Variants in NRXN3 observed in about 807,000 individuals in gnomAD.
NRXN3 encodes neurexin 3.
A neutral mutation model predicts 137.6 loss-of-function variants in NRXN3; 32 were observed. That is an observed-to-expected ratio of 0.23 (90% CI 0.18 to 0.31). The LOEUF (loss-of-function observed/expected upper bound fraction) is 0.31, where lower values mean the gene tolerates loss of function less well. Among genes scored for constraint, NRXN3 ranks in the 10% least tolerant of loss-of-function variants. The pLI, the probability that NRXN3 is intolerant of heterozygous loss-of-function variation, is 1.00. For synonymous variants in NRXN3, 798 were observed against 784.5 expected (o/e 1.02, Z -0.29); for missense variants, 1,574 against 2,062.5 (o/e 0.76, Z 4.59).
intron 20 of NRXN3, among the ~76,000 whole-genome samples, chr14:79,854,941 T>C (rs917754887): frequency 3.3e-5 from 5 of 152,176 alleles, no homozygotes; most frequent in Non-Finnish European, 5.9e-5. Context: ...TGTTCTATGA[T>C]ACTGACGCCT....
At chr14:78,304,416 A>C (rs1268574230) in intron 4 of NRXN3, among the ~76,000 whole-genome samples, 1 of 152,060 alleles carries the variant, frequency 6.6e-6, no homozygotes, top group East Asian at 1.9e-4. Context: ...AAAACTGAGC[A>C]GGGTGGGTAG....
intron 6 of NRXN3, chr14:78,703,674 A>G (rs2098314044): frequency 1.3e-5 from 2 of 152,214 alleles, no homozygotes; most frequent in Non-Finnish European, 2.9e-5. Context: ...TGGTACCCCA[A>G]TACTGGCTTC....
At chr14:78,687,778 C>T (rs903295346) in intron 6 of NRXN3, among the ~76,000 whole-genome samples, 24 of 152,250 alleles carry the variant, frequency 1.6e-4, no homozygotes, top group Admixed American at 9.2e-4. Context: ...CATTTGGCCT[C>T]GACATGACAC....
chr14:79,782,388 C>T (rs919267444), intron 19 of NRXN3, among the ~76,000 whole-genome samples: 6 of 152,020 alleles, frequency 3.9e-5, no homozygotes, highest in African/African-American at 1.4e-4. Context: ...AAGAGTCTGA[C>T]CTTGGATGAG....
intron 10 of NRXN3, among the ~76,000 whole-genome samples, chr14:78,916,299 C>A (rs154375): frequency 1.3e-5 from 2 of 152,098 alleles, no homozygotes; most frequent in Non-Finnish European, 2.9e-5. Flanking sequence ...ATTTATGGTG[C>A]AAACTGGGTG....
At chr14:78,209,826 G>T (rs1171282335) in intron 1 of NRXN3, among the ~76,000 whole-genome samples, 1 of 152,132 alleles carries the variant, frequency 6.6e-6, no homozygotes, top group Non-Finnish European at 1.5e-5. Flanking sequence ...GTTTTAAATT[G>T]CAGTCCTCTC....
At position 79,713,610 on chromosome 14, in the gene NRXN3, T is replaced by C. The variant is rs182637851; in HGVS notation, c.4014+15673T>C. On this transcript the variant is annotated intron_variant, in intron 19 of 20. Coordinates refer to ENST00000335750, the MANE Select transcript of NRXN3 (RefSeq NM_001330195.2). ...ATATATATATACATACATATACATA[T>C]ACATATGTATGTATATATAAACTAG... is the stretch of plus-strand genomic sequence containing the variant. Among the ~76,000 whole-genome samples the C allele has an allele frequency of 7.0e-3, 948 of 136,180 alleles. 8 individuals carry two copies. The highest frequency in any genetic ancestry group is 0.011 in the Non-Finnish European group (705 of 62,476). 89.3% of individuals were successfully genotyped at this position (136,180 alleles called of 152,430 possible). A position where few individuals can be genotyped will look rare whatever the true frequency, so the allele number is the denominator to read the frequency against.
intron 1 of NRXN3, among the ~76,000 whole-genome samples, chr14:78,226,955 A>T (rs1055847872): frequency 8.5e-5 from 13 of 152,234 alleles, no homozygotes; most frequent in African/African-American, 2.7e-4. Flanking sequence ...ATTGTGTGCC[A>T]TCCAAATGCA....
At chr14:79,603,642 A>G (rs2153836633) in intron 16 of NRXN3, among the ~76,000 whole-genome samples, 1 of 151,596 alleles carries the variant, frequency 6.6e-6, no homozygotes, top group Non-Finnish European at 1.5e-5. Flanking sequence ...GGAGTTTAGG[A>G]CCCAAGTCTT....
intron 10 of NRXN3, among the ~76,000 whole-genome samples, chr14:78,820,263 A>C (rs1003513854): frequency 7.2e-4 from 107 of 149,120 alleles, no homozygotes; most frequent in African/African-American, 2.6e-3. Context: ...TATAAATTGC[A>C]GTTGTTTTTA....
intron 4 of NRXN3, among the ~76,000 whole-genome samples, chr14:78,449,976 C>T (rs1459804301): frequency 6.6e-6 from 1 of 152,200 alleles, no homozygotes; most frequent in Non-Finnish European, 1.5e-5. Context: ...AACTCATTTC[C>T]TATGTCTTCA....
intron 15 of NRXN3, among the ~76,000 whole-genome samples, chr14:79,363,992 G>A (rs1021581113): frequency 6.6e-6 from 1 of 152,190 alleles, no homozygotes; most frequent in East Asian, 1.9e-4. Flanking sequence ...GGTGCTTGGG[G>A]TAAAGTGCTG....
Position 78,362,369 on chromosome 14 carries a change from C to T in NRXN3, c.757+64509C>T, listed in dbSNP as rs967719399. 5.3e-5 allele frequency among the ~76,000 whole-genome samples: 8 copies of T among 151,692 alleles called. No individual in the cohort carries two copies. The South Asian group carries it at 1.7e-3, about 32-fold the overall frequency. On this transcript the variant is annotated intron_variant, in intron 4 of 20. Transcript: ENST00000335750. ...AATTCAGGCATGGGAACTAGAGATA[C>T]GCATATCTTAAAATTTTGTTCTTTG...
At chr14:79,402,831 C>T (rs2095238551) in intron 15 of NRXN3, among the ~76,000 whole-genome samples, 1 of 152,108 alleles carries the variant, frequency 6.6e-6, no homozygotes. Context: ...GCTGCTGATA[C>T]AGTTATGAGC....
At chr14:78,458,478 A>G (rs1481826418) in intron 4 of NRXN3, among the ~76,000 whole-genome samples, 1 of 152,162 alleles carries the variant, frequency 6.6e-6, no homozygotes, top group Non-Finnish European at 1.5e-5. Context: ...TATACTGATT[A>G]TTACCTGAGT....
At chr14:79,758,529 A>G (rs1451708048) in intron 19 of NRXN3, among the ~76,000 whole-genome samples, 1 of 152,150 alleles carries the variant, frequency 6.6e-6, no homozygotes, top group Non-Finnish European at 1.5e-5. Context: ...CTGCCCCATG[A>G]CCAAACACCT....
At chr14:79,819,183 C>G (rs570728124) in intron 20 of NRXN3, among the ~76,000 whole-genome samples, 1 of 152,150 alleles carries the variant, frequency 6.6e-6, no homozygotes, top group Non-Finnish European at 1.5e-5. Context: ...GTCTTACAGT[C>G]CCTGCCCTAT....
At chr14:79,273,431 G>T (rs973299477) in intron 15 of NRXN3, among the ~76,000 whole-genome samples, 2 of 151,892 alleles carry the variant, frequency 1.3e-5, no homozygotes, top group Non-Finnish European at 2.9e-5. Context: ...TCAGGAGATG[G>T]AGACCATCCT....
At chr14:79,693,053 C>T (rs547773598) in intron 18 of NRXN3, among the ~76,000 whole-genome samples, 1 of 152,120 alleles carries the variant, frequency 6.6e-6, no homozygotes, top group Admixed American at 6.6e-5. Flanking sequence ...ACAACAACCA[C>T]TGTTAATAAA....
Sources: gnomAD v4.1 joint callset for allele counts (sites outside exome capture counted in the v4.1 genomes callset) on GRCh38, gnomAD v4.1.1 for gene constraint, MANE v1.5 for transcripts, NCBI Gene and HGNC (gene_info 2026-07-23, HGNC 2026-07-21) for gene names.